SYT17: variants seen among roughly 807,000 people sequenced by gnomAD.
SYT17 encodes synaptotagmin-17.
SYT17 carries 22 observed loss-of-function variants against 46.7 expected under a neutral mutation model. The observed-to-expected ratio is 0.47, with a 90% confidence interval of 0.34 to 0.67. The LOEUF (loss-of-function observed/expected upper bound fraction) is 0.67. Ranked by LOEUF, SYT17 falls within the 30% of genes least tolerant of loss-of-function variation. SYT17 has a pLI of 0.01. For synonymous variants in SYT17, 251 were observed against 248.4 expected (o/e 1.01, Z -0.10); for missense variants, 519 against 612.8 (o/e 0.85, Z 1.62).
chr16:19,252,428 C>CAT (rs1319490287), intron 7 of SYT17, among the ~76,000 whole-genome samples: 2 of 22,552 alleles, frequency 8.9e-5, no homozygotes, highest in African/African-American at 3.9e-4. Flanking sequence ...TATATATATA[C>CAT]ATATATATAC....
intron 5 of SYT17, among the ~76,000 whole-genome samples, chr16:19,222,568 A>G (rs761175455): frequency 1.3e-5 from 2 of 152,130 alleles, no homozygotes; most frequent in African/African-American, 4.8e-5. Context: ...CAGGTATCCT[A>G]TTGGATGGCA....
chr16:19,206,950 G>A (rs1024200012), intron 5 of SYT17, among the ~76,000 whole-genome samples: 2 of 152,166 alleles, frequency 1.3e-5, no homozygotes, highest in African/African-American at 4.8e-5. Flanking sequence ...CCCAATGTTG[G>A]AGGTGGGACC....
intron 3 of SYT17, among the ~76,000 whole-genome samples, chr16:19,176,224 C>T (rs1336880034): frequency 6.6e-6 from 1 of 152,196 alleles, no homozygotes; most frequent in African/African-American, 2.4e-5. Context: ...ACTAGACTTG[C>T]ATTCTGTTGC....
At chr16:19,207,030 G>A (rs1374732225) in intron 5 of SYT17, among the ~76,000 whole-genome samples, 1 of 152,178 alleles carries the variant, frequency 6.6e-6, no homozygotes, top group African/African-American at 2.4e-5. Context: ...ATGGTAGTAA[G>A]TGAGTTCTTG....
rs570977665 is a variant in SYT17 at position 19,178,279 on chromosome 16, G to T, written c.183-2112G>T. On this transcript the variant is annotated intron_variant, in intron 3 of 7. Coordinates refer to ENST00000355377, the MANE Select transcript of SYT17 (RefSeq NM_016524.4). ...TTGTATTTTTTTTAGTAGAGATGGGGTTTCACCGTGTTAGCTAGGATGGTC... is the reference window on the plus strand; with the variant it reads ...TTGTATTTTTTTTAGTAGAGATGGGTTTTCACCGTGTTAGCTAGGATGGTC... Among the ~76,000 whole-genome samples, 108 of 151,912 alleles carry T rather than the reference G, an allele frequency of 7.1e-4. 1 individual carries two copies. The highest frequency in any genetic ancestry group is 2.5e-3 in the African/African-American group (103 of 41,420).
At chr16:19,232,566 C>A (rs979529996) in intron 7 of SYT17, among the ~76,000 whole-genome samples, 1 of 152,094 alleles carries the variant, frequency 6.6e-6, no homozygotes, top group African/African-American at 2.4e-5. Flanking sequence ...TGCGGTGGCT[C>A]ACACCTCTAA....
At chr16:19,188,229 C>T (rs917420502) in intron 5 of SYT17, among the ~76,000 whole-genome samples, 2 of 152,018 alleles carry the variant, frequency 1.3e-5, no homozygotes, top group Admixed American at 6.6e-5. Flanking sequence ...CAAACTAACA[C>T]AGGAATGGAA....
At chr16:19,181,637 G>A (rs747500451) in intron 4 of SYT17, among the ~76,000 whole-genome samples, 7 of 151,934 alleles carry the variant, frequency 4.6e-5, no homozygotes, top group East Asian at 1.9e-4. Flanking sequence ...CGTAAATGGT[G>A]TGAGACTGAA....
chr16:19,266,800 CTT>C (rs1331274994), intron 7 of SYT17, 78 bp from the exon 8 acceptor site: 2 of 1,343,722 alleles, frequency 1.5e-6, no homozygotes, highest in African/African-American at 2.9e-5. Context: ...CTAATGGCCT[CTT>C]GTCTTCTCCC....
chr16:19,248,367 T>C (rs1313690825), intron 7 of SYT17, among the ~76,000 whole-genome samples: 1 of 152,206 alleles, frequency 6.6e-6, no homozygotes, highest in Non-Finnish European at 1.5e-5. Flanking sequence ...ATTATACTCC[T>C]AGGTATTTAC....
chr16:19,205,920 C>G lies in SYT17; in HGVS notation c.952-17125C>G, dbSNP rs549232880. Among the ~76,000 whole-genome samples, 4 of 152,124 alleles carry G rather than the reference C, an allele frequency of 2.6e-5. No individual in the cohort carries two copies. The South Asian group carries it at 8.3e-4, about 32-fold the overall frequency. ...TGTTTCTTCCACTTTAATGTGAACT[C>G]CAAAAGGAGGGGGATTTTTTTCTGT... On this transcript the variant is annotated intron_variant, in intron 5 of 7. Transcript: ENST00000355377.
At chr16:19,224,921 A>G in intron 7 of SYT17, 83 bp downstream of exon 7, 3 of 1,502,780 alleles carry the variant, frequency 2.0e-6, no homozygotes, top group Non-Finnish European at 2.7e-6. Context: ...ATCTAGAGAG[A>G]GTTACATTTA....
intron 5 of SYT17, among the ~76,000 whole-genome samples, chr16:19,200,640 A>G (rs1965424443): frequency 6.6e-6 from 1 of 152,164 alleles, no homozygotes; most frequent in Admixed American, 6.5e-5. Flanking sequence ...TTTTATTTCT[A>G]GGTGATAGAG....
intron 5 of SYT17, among the ~76,000 whole-genome samples, chr16:19,201,318 C>T (rs1372872808): frequency 2.6e-5 from 4 of 152,160 alleles, no homozygotes; most frequent in Non-Finnish European, 4.4e-5. Flanking sequence ...GGAAGAGGTA[C>T]TTAGGGAACT....
intron 5 of SYT17, among the ~76,000 whole-genome samples, chr16:19,215,711 C>G (rs1184393714): frequency 6.6e-6 from 1 of 152,184 alleles, no homozygotes; most frequent in Non-Finnish European, 1.5e-5. Flanking sequence ...GCTACTGCAC[C>G]CAGCCAACTT....
At chr16:19,246,547 A>C (rs1373977700) in intron 7 of SYT17, among the ~76,000 whole-genome samples, 1 of 152,200 alleles carries the variant, frequency 6.6e-6, no homozygotes, top group Non-Finnish European at 1.5e-5. Flanking sequence ...CACTTGTAAC[A>C]TCTAGGCTCT....
chr16:19,228,278 C>T (rs1398853821), intron 7 of SYT17, among the ~76,000 whole-genome samples: 1 of 152,188 alleles, frequency 6.6e-6, no homozygotes. Context: ...TCAGCTGGGG[C>T]AGTGGTCAGC....
chr16:19,255,897 A>G (rs560067295), intron 7 of SYT17, among the ~76,000 whole-genome samples: 1 of 152,310 alleles, frequency 6.6e-6, no homozygotes, highest in Admixed American at 6.5e-5. Flanking sequence ...TGAGGAGTCC[A>G]GGCATCAAGG....
intron 3 of SYT17, 99 bp from the exon 4 acceptor site, chr16:19,180,292 C>A: frequency 1.5e-6 from 2 of 1,330,850 alleles, no homozygotes; most frequent in South Asian, 1.3e-5. Context: ...TAAAATGAGT[C>A]TGAGAGCGGT....
Sources: gnomAD v4.1 joint callset for allele counts (sites outside exome capture counted in the v4.1 genomes callset) on GRCh38, gnomAD v4.1.1 for gene constraint, MANE v1.5 for transcripts, NCBI Gene and HGNC (gene_info 2026-07-23, HGNC 2026-07-21) for gene names.